Variants in BPNT1 observed in about 807,000 individuals in gnomAD.
The protein encoded by BPNT1 is 3'(2'),5'-bisphosphate nucleotidase 1.
A neutral mutation model predicts 36.9 loss-of-function variants in BPNT1; 28 were observed. That is an observed-to-expected ratio of 0.76 (90% CI 0.56 to 1.04). The LOEUF (loss-of-function observed/expected upper bound fraction) is 1.04. BPNT1 is among the 50% of genes least tolerant of loss of function. The pLI is 0.00. For synonymous variants in BPNT1, 119 were observed against 130.9 expected (o/e 0.91, Z 0.62); for missense variants, 313 against 372.9 (o/e 0.84, Z 1.32).
At chr1:220,064,969 G>A (rs140371743) in intron 6 of BPNT1, among the ~76,000 whole-genome samples, 58 of 152,028 alleles carry the variant, frequency 3.8e-4, no homozygotes, top group South Asian at 1.5e-3. Flanking sequence ...CACCATGTCC[G>A]GCTAATTTTG....
intron 6 of BPNT1, among the ~76,000 whole-genome samples, chr1:220,066,503 C>T (rs1318223563): frequency 6.6e-6 from 1 of 152,130 alleles, no homozygotes; most frequent in Admixed American, 6.6e-5. Context: ...GCTTTTAACT[C>T]AGAGTGGAAA....
chr1:220,082,768 G>T (rs1655310544), intron 1 of BPNT1, among the ~76,000 whole-genome samples: 1 of 151,462 alleles, frequency 6.6e-6, no homozygotes, highest in Non-Finnish European at 1.5e-5. Context: ...TGTATTGTTA[G>T]TAGAGACGGG....
In BPNT1 at chr1:220,069,415, A is replaced by G. The variant is rs777113862; in HGVS notation, c.351T>C (p.Asp117=). 31 of 1,606,914 alleles carry G rather than the reference A, an allele frequency of 1.9e-5. No individual in the cohort carries two copies. The highest frequency in any genetic ancestry group is 2.5e-5 in the Non-Finnish European group (30 of 1,177,092). ...TATATTCCTTGGTTCCATCCAGAGG[A>G]TCAACCCAGACCACGAGCTAAAATT... ...IKEEDLVVWV[D]PLDGTKEYTE... Residue 117 remains aspartate (D), a synonymous_variant, in exon 5 of 9, where the codon GAT becomes GAC. Transcript: ENST00000322067.
At chr1:220,067,198 A>G (rs1361706818) in intron 6 of BPNT1, 104 bp downstream of exon 6, 1 of 448,776 alleles carries the variant, frequency 2.2e-6, no homozygotes, top group Non-Finnish European at 3.8e-6. Flanking sequence ...AGATGATTGC[A>G]TATGCAACCA....
In BPNT1 at chr1:220,074,145, C is replaced by T. The variant is rs941434858; in HGVS notation, c.121-74G>A. On this transcript the variant is annotated intron_variant, in intron 2 of 8. Transcript: ENST00000322067. ...TCCTCTGATTCCTTGTGCATGAGTG[C>T]CTACATAATTTAGATTACACTGTCA... 9 of 1,326,102 alleles carry T rather than the reference C, an allele frequency of 6.8e-6. No homozygotes were observed. In the African/African-American group the frequency reaches 1.2e-4, roughly 17 times the overall value. 82.1% of individuals were successfully genotyped at this position (1,326,102 alleles called of 1,614,324 possible).
At chr1:220,066,158 GT>G in intron 6 of BPNT1, 1 of 1,426,926 alleles carries the variant, frequency 7.0e-7, no homozygotes, top group Non-Finnish European at 9.4e-7. Flanking sequence ...TCAGAAAGAA[GT>G]GGTGAAAATT....
At chr1:220,069,773 T>G (rs2102677838) in intron 4 of BPNT1, among the ~76,000 whole-genome samples, 1 of 152,034 alleles carries the variant, frequency 6.6e-6, no homozygotes, top group South Asian at 2.1e-4. Context: ...CCATCTCTAC[T>G]AAAAATACAA....
chr1:220,069,045 TAC>T (rs987794895), intron 5 of BPNT1, among the ~76,000 whole-genome samples: 2 of 152,278 alleles, frequency 1.3e-5, no homozygotes, highest in Admixed American at 6.5e-5. Flanking sequence ...GAGCAAGAGC[TAC>T]ACAGTTGTAC....
In BPNT1 at chr1:220,062,935, A is replaced by G; in HGVS notation, c.494T>C (p.Leu165Ser). ...YNYEAGPDAV[L>S]GRTIWGVLGL... ...TAAAACTCCCCAGATTGTCCTCCCC[A>G]ACACAGCATCTGGTCCTGCCTGTGT... The change falls in exon 7 of 9, where the codon TTG becomes TCG. Residue 165 changes from leucine (L) to serine (S), a missense_variant. Leu to Ser is a moderately radical substitution (Grantham distance 145, BLOSUM62 -2). Coordinates refer to ENST00000322067, the MANE Select transcript of BPNT1 (RefSeq NM_006085.6). 2 of 1,614,162 alleles carry G rather than the reference A, an allele frequency of 1.2e-6. No homozygotes were observed. The highest frequency in any genetic ancestry group is 2.2e-5 in the South Asian group (2 of 91,084).
At chr1:220,072,820 TAG>T in intron 4 of BPNT1, 28 bp downstream of exon 4, 1 of 1,555,770 alleles carries the variant, frequency 6.4e-7, no homozygotes, top group South Asian at 1.1e-5. Context: ...CCCAGGTTAA[TAG>T]AGAGTTGAGT....
chr1:220,057,788 T>C lies in BPNT1; in HGVS notation c.*1056A>G. 9.0e-7 allele frequency: 1 copy of C among 1,116,852 alleles called. No individual in the cohort carries two copies. Among genetic ancestry groups the C allele is most frequent in the Non-Finnish European group, 1.2e-6 (1 of 824,454 alleles). 69.2% of individuals were successfully genotyped at this position (1,116,852 alleles called of 1,614,324 possible). On this transcript the variant is annotated 3_prime_UTR_variant, in exon 9 of 9. Coordinates refer to ENST00000322067, the MANE Select transcript of BPNT1 (RefSeq NM_006085.6). ...CATAAATCTGTTTCATAAGCATATATAATAACATCATATATATTCTTAATT... is the reference window on the plus strand; with the variant it reads ...CATAAATCTGTTTCATAAGCATATACAATAACATCATATATATTCTTAATT...
chr1:220,088,431 C>T (rs1363793122), intron 1 of BPNT1, among the ~76,000 whole-genome samples: 3 of 144,834 alleles, frequency 2.1e-5, no homozygotes, highest in African/African-American at 5.2e-5. Context: ...TGTGGTGAGC[C>T]GAGATCGCGC....
At chr1:220,079,200 A>T (rs1664879795) in intron 2 of BPNT1, among the ~76,000 whole-genome samples, 1 of 152,182 alleles carries the variant, frequency 6.6e-6, no homozygotes, top group Non-Finnish European at 1.5e-5. Context: ...GATATGGTTC[A>T]GAAGACTCAG....
At chr1:220,069,892 T>A (rs1043335551) in intron 4 of BPNT1, among the ~76,000 whole-genome samples, 2 of 151,514 alleles carry the variant, frequency 1.3e-5, no homozygotes, top group African/African-American at 4.9e-5. Flanking sequence ...GCAGAGATCG[T>A]GCCATTGCAC....
At position 220,058,276 on chromosome 1, in the gene BPNT1, T is replaced by G; in HGVS notation, c.*568A>C. On this transcript the variant is annotated 3_prime_UTR_variant, in exon 9 of 9. Transcript: ENST00000322067. ...TAAAGCTTTTTCTCATTTCTCCACC[T>G]AAATACAGGAAAACAAATATAACAT... 2 of 989,314 alleles carry G rather than the reference T, an allele frequency of 2.0e-6. No homozygotes were observed. The highest frequency in any genetic ancestry group is 2.4e-6 in the Non-Finnish European group (2 of 831,832). The allele number at this position is 989,314 out of a possible 1,614,324, so 61.3% of individuals were successfully genotyped here.
Position 220,059,627 on chromosome 1 carries a change from G to A in BPNT1, c.778+59C>T, listed in dbSNP as rs529003591. ...TAAAATAATATTACTGAGATATTAT[G>A]TCTTAGCATGATATAATTGTAGAAA... On this transcript the variant is annotated intron_variant, in intron 8 of 8. Coordinates refer to ENST00000322067, the MANE Select transcript of BPNT1 (RefSeq NM_006085.6). The A allele has an allele frequency of 6.8e-5, 85 of 1,243,530 alleles. No homozygotes were observed. In the African/African-American group the frequency reaches 1.2e-3, roughly 17 times the overall value. The allele number at this position is 1,243,530 out of a possible 1,614,324, so 77.0% of individuals were successfully genotyped here. A position where few individuals can be genotyped will look rare whatever the true frequency, so the allele number is the denominator to read the frequency against.
At chr1:220,063,616 A>T (rs1445526421) in intron 6 of BPNT1, among the ~76,000 whole-genome samples, 6 of 152,196 alleles carry the variant, frequency 3.9e-5, no homozygotes, top group African/African-American at 1.4e-4. Flanking sequence ...CCAGGAAATG[A>T]AATACCATGT....
intron 1 of BPNT1, among the ~76,000 whole-genome samples, chr1:220,089,363 A>G (rs1304569124): frequency 6.6e-6 from 1 of 152,214 alleles, no homozygotes; most frequent in Non-Finnish European, 1.5e-5. Context: ...ATAAATATGT[A>G]GAAATGGCAG....
rs376612403 is a variant in BPNT1 at position 220,063,724 on chromosome 1, G to A, written c.475-770C>T. Among the ~76,000 whole-genome samples, 101 of 152,284 alleles carry A rather than the reference G, an allele frequency of 6.6e-4. 2 individuals carry two copies. The South Asian group carries it at 0.021, about 31-fold the overall frequency. On this transcript the variant is annotated intron_variant, in intron 6 of 8. Coordinates refer to ENST00000322067, the MANE Select transcript of BPNT1 (RefSeq NM_006085.6). ...TGTATTTGGCTGCTATGGAGATAGG[G>A]CAACTGAATAGGCCAATACAATATT...
Sources: gnomAD v4.1 joint callset for allele counts (sites outside exome capture counted in the v4.1 genomes callset) on GRCh38, gnomAD v4.1.1 for gene constraint, MANE v1.5 for transcripts, NCBI Gene and HGNC (gene_info 2026-07-23, HGNC 2026-07-21) for gene names.